KLF13: variants seen among roughly 807,000 people sequenced by gnomAD.
KLF13 encodes Krueppel-like factor 13.
A neutral mutation model predicts 16.7 loss-of-function variants in KLF13; 8 were observed. The observed-to-expected ratio is 0.48, with a 90% CI of 0.28 to 0.87. The LOEUF is 0.87. KLF13 is among the 40% of genes least tolerant of loss of function. KLF13 has a pLI of 0.10. For synonymous variants in KLF13, 245 were observed against 208.4 expected (o/e 1.18, Z -1.51); for missense variants, 447 against 452.2 (o/e 0.99, Z 0.10).
Position 31,372,481 on chromosome 15 carries a change from C to CA in KLF13, c.*183dup. On this transcript the variant is annotated 3_prime_UTR_variant, in exon 2 of 2. Coordinates refer to ENST00000307145, the MANE Select transcript of KLF13 (RefSeq NM_015995.4). ...AAAACACAAAAATTTCAAAAAACAC[C>CA]ACCCACCAAATTGCACAATAGATAC... The CA allele has an allele frequency of 1.5e-6, 1 of 680,162 alleles. No homozygotes were observed. The highest frequency in any genetic ancestry group is 2.4e-5 in the South Asian group (1 of 40,952). The allele number at this position is 680,162 out of a possible 1,614,324, so 42.1% of individuals were successfully genotyped here.
chr15:31,398,186 T>C (rs1466160749), intron 2 of KLF13, among the ~76,000 whole-genome samples: 2 of 152,112 alleles, frequency 1.3e-5, no homozygotes, highest in Admixed American at 6.5e-5. Context: ...GGGCGGGGCC[T>C]TAATTGGTGG....
chr15:31,411,578 T>G lies in KLF13; in HGVS notation n.117+17887T>G, dbSNP rs1030504304. Among the ~76,000 whole-genome samples, 3 of 150,540 alleles carry G rather than the reference T, an allele frequency of 2.0e-5. No homozygotes were observed. The South Asian group carries it at 6.3e-4, about 32-fold the overall frequency. ...ACCTGGCTAATTTTTTTTTTTTTTT[T>G]GTATTTTTAGTAGAGACGGGGTTTC... On this transcript the variant is annotated intron_variant and non_coding_transcript_variant, in intron 1 of 1. Transcript: ENST00000558225.
intron 1 of KLF13, among the ~76,000 whole-genome samples, chr15:31,428,908 C>T (rs143099144): frequency 5.2e-4 from 79 of 151,260 alleles, no homozygotes; most frequent in Admixed American, 1.1e-3. Flanking sequence ...AAGATTTGCT[C>T]TACCAGAGTT....
chr15:31,340,879 GA>G (rs549746700), intron 1 of KLF13, among the ~76,000 whole-genome samples: 2,157 of 152,140 alleles, frequency 0.014, 26 homozygotes, highest in Non-Finnish European at 0.023. Flanking sequence ...AAAAACAAAA[GA>G]AAAAAATCTC....
chr15:31,355,512 C>T (rs13329369), intron 1 of KLF13, among the ~76,000 whole-genome samples: 64,369 of 151,874 alleles, frequency 0.42, 14,542 homozygotes, highest in East Asian at 0.56. Flanking sequence ...CCACCATCTG[C>T]CAGCTTCTTC....
chr15:31,365,896 G>A (rs1221929954), intron 1 of KLF13, among the ~76,000 whole-genome samples: 4 of 152,074 alleles, frequency 2.6e-5, no homozygotes, highest in South Asian at 2.1e-4. Context: ...CCCCCCTTCC[G>A]GCTGGCTCTC....
chr15:31,396,518 G>A (rs574305000), intron 2 of KLF13, among the ~76,000 whole-genome samples: 1 of 152,278 alleles, frequency 6.6e-6, no homozygotes, highest in African/African-American at 2.4e-5. Flanking sequence ...GTGCTGATTG[G>A]TCAGTGATGA....
At chr15:31,340,792 C>A (rs1365486148) in intron 1 of KLF13, among the ~76,000 whole-genome samples, 1 of 152,046 alleles carries the variant, frequency 6.6e-6, no homozygotes, top group Non-Finnish European at 1.5e-5. Flanking sequence ...TCACTTGAGC[C>A]CAGGAGGTGG....
chr15:31,328,211 C>A (rs1353904394), intron 1 of KLF13, among the ~76,000 whole-genome samples: 1 of 150,878 alleles, frequency 6.6e-6, no homozygotes. Flanking sequence ...CGGGGTCCCT[C>A]CTCGTTTCCT....
intron 2 of KLF13, among the ~76,000 whole-genome samples, chr15:31,395,083 G>A (rs919730777): frequency 3.9e-5 from 6 of 152,112 alleles, no homozygotes; most frequent in African/African-American, 1.2e-4. Context: ...GGATTCAAGC[G>A]ATTCTCCTGT....
At chr15:31,418,062 A>T (rs2040276420) in intron 1 of KLF13, among the ~76,000 whole-genome samples, 1 of 152,198 alleles carries the variant, frequency 6.6e-6, no homozygotes, top group African/African-American at 2.4e-5. Context: ...ACCCACCTCT[A>T]TATATAAAAA....
chr15:31,367,926 A>G (rs1182971857), intron 1 of KLF13, among the ~76,000 whole-genome samples: 1 of 152,182 alleles, frequency 6.6e-6, no homozygotes, highest in Non-Finnish European at 1.5e-5. Flanking sequence ...TCACAGTTCC[A>G]GAAATCAAGG....
intron 2 of KLF13, among the ~76,000 whole-genome samples, chr15:31,403,147 G>A (rs753809331): frequency 2.0e-5 from 3 of 152,184 alleles, no homozygotes; most frequent in Non-Finnish European, 4.4e-5. Context: ...GTATAGATAC[G>A]TCTGCTGATT....
intron 1 of KLF13, among the ~76,000 whole-genome samples, chr15:31,346,727 C>G (rs2039127737): frequency 6.6e-6 from 1 of 152,264 alleles, no homozygotes; most frequent in African/African-American, 2.4e-5. Flanking sequence ...ACCACCTGTG[C>G]CTCGAAATCT....
chr15:31,327,995 C>G (rs1272200250), intron 1 of KLF13, among the ~76,000 whole-genome samples: 1 of 148,034 alleles, frequency 6.8e-6, no homozygotes, highest in African/African-American at 2.5e-5. Flanking sequence ...AGCCGGCGCC[C>G]GCCAGGCGAC....
At chr15:31,327,904 G>T in intron 1 of KLF13, 115 bp downstream of exon 1, 1 of 1,118,334 alleles carries the variant, frequency 8.9e-7, no homozygotes, top group South Asian at 4.3e-5. Flanking sequence ...GGGCCGGAAC[G>T]CCCGGGGCCT....
At chr15:31,425,226 A>G (rs978619118) in intron 1 of KLF13, among the ~76,000 whole-genome samples, 2 of 152,220 alleles carry the variant, frequency 1.3e-5, no homozygotes, top group Non-Finnish European at 2.9e-5. Context: ...AAATTTGCAG[A>G]TCCACTGCAA....
chr15:31,341,232 T>G (rs913208970), intron 1 of KLF13, among the ~76,000 whole-genome samples: 7 of 152,222 alleles, frequency 4.6e-5, no homozygotes, highest in Non-Finnish European at 1.0e-4. Flanking sequence ...TGGGACAGGC[T>G]GAGCCCATCT....
chr15:31,399,096 C>G (rs1205087729), intron 2 of KLF13, among the ~76,000 whole-genome samples: 1 of 152,182 alleles, frequency 6.6e-6, no homozygotes, highest in Non-Finnish European at 1.5e-5. Flanking sequence ...AGAGCAGACT[C>G]CACTGGGCAA....
Sources: gnomAD v4.1 joint callset for allele counts (sites outside exome capture counted in the v4.1 genomes callset) on GRCh38, gnomAD v4.1.1 for gene constraint, MANE v1.5 for transcripts, NCBI Gene and HGNC (gene_info 2026-07-23, HGNC 2026-07-21) for gene names.